Variants in ZNF438 observed in about 807,000 individuals in gnomAD.
ZNF438 encodes zinc finger protein 438.
Under a neutral mutation model 38.0 loss-of-function variants are expected in ZNF438, and 25 were observed. The ratio of observed to expected loss-of-function variants is 0.66; its 90% CI spans 0.48 to 0.92. The LOEUF (loss-of-function observed/expected upper bound fraction) is 0.92, where lower values mean the gene tolerates loss of function less well. Among genes scored for constraint, ZNF438 ranks in the 40% least tolerant of loss-of-function variants. The pLI, the probability that ZNF438 is intolerant of heterozygous loss-of-function variation, is 0.00. For synonymous variants in ZNF438, 372 were observed against 364.1 expected, an observed-to-expected ratio of 1.02 and a Z score of -0.25; for missense variants, 1,007 against 999.6, an observed-to-expected ratio of 1.01 and a Z score of -0.10.
chr10:30,951,301 G>A (rs1158490129), intron 1 of ZNF438, among the ~76,000 whole-genome samples: 2 of 149,304 alleles, frequency 1.3e-5, no homozygotes, highest in Non-Finnish European at 3.0e-5. Context: ...CATACTGAAT[G>A]GGCAAAAACT....
intron 3 of ZNF438, among the ~76,000 whole-genome samples, chr10:30,903,321 G>A (rs531407232): frequency 9.8e-5 from 15 of 152,324 alleles, no homozygotes; most frequent in Middle Eastern, 6.8e-3. Flanking sequence ...CACCGAGAGC[G>A]AGTGAGGGCT....
At chr10:31,019,271 C>T (rs1432562923) in intron 1 of ZNF438, among the ~76,000 whole-genome samples, 2 of 152,144 alleles carry the variant, frequency 1.3e-5, no homozygotes, top group Admixed American at 1.3e-4. Context: ...CACAATGTGC[C>T]CCTTCATTGC....
At chr10:30,844,957 G>C (rs758038005) in exon 6 of ZNF438, 14 of 1,611,808 alleles carry the variant, frequency 8.7e-6, no homozygotes, top group Non-Finnish European at 1.2e-5. Flanking sequence ...GCTGCCTTGG[G>C]GTCTCATTTC....
At chr10:30,952,427 T>C (rs2048324614) in intron 1 of ZNF438, among the ~76,000 whole-genome samples, 1 of 152,286 alleles carries the variant, frequency 6.6e-6, no homozygotes, top group South Asian at 2.1e-4. Flanking sequence ...AAAGAGCTTC[T>C]GAACAGCAAG....
chr10:30,948,721 G>A (rs2047765234), intron 1 of ZNF438, among the ~76,000 whole-genome samples: 1 of 151,504 alleles, frequency 6.6e-6, no homozygotes, highest in Non-Finnish European at 1.5e-5. Context: ...AAAGAAATGA[G>A]CAAAGCCTCC....
At chr10:30,951,433 C>G (rs1328341517) in intron 1 of ZNF438, among the ~76,000 whole-genome samples, 2 of 151,724 alleles carry the variant, frequency 1.3e-5, no homozygotes, top group Admixed American at 6.6e-5. Context: ...AAAGGGTATT[C>G]AATTAGGAAA....
At chr10:30,963,965 C>G (rs2049832157) in intron 1 of ZNF438, among the ~76,000 whole-genome samples, 1 of 152,012 alleles carries the variant, frequency 6.6e-6, no homozygotes, top group African/African-American at 2.4e-5. Flanking sequence ...GTATCTTATT[C>G]CTGTCTTCCT....
intron 1 of ZNF438, among the ~76,000 whole-genome samples, chr10:30,952,196 A>T (rs1012612353): frequency 2.0e-5 from 3 of 151,698 alleles, no homozygotes; most frequent in South Asian, 2.1e-4. Context: ...CTGGCTAGAC[A>T]TATGTAGAAA....
At chr10:30,870,035 T>C (rs945250428) in intron 4 of ZNF438, among the ~76,000 whole-genome samples, 1 of 152,236 alleles carries the variant, frequency 6.6e-6, no homozygotes, top group Non-Finnish European at 1.5e-5. Flanking sequence ...CTTCAAATAA[T>C]ATGTTACTTT....
chr10:30,878,161 T>C (rs1271006605), intron 3 of ZNF438, among the ~76,000 whole-genome samples: 9 of 152,236 alleles, frequency 5.9e-5, no homozygotes, highest in Non-Finnish European at 1.2e-4. Flanking sequence ...TGAGAACTTC[T>C]ATCCCTGTTT....
chr10:31,011,137 G>A (rs2055660001), intron 1 of ZNF438, among the ~76,000 whole-genome samples: 1 of 152,108 alleles, frequency 6.6e-6, no homozygotes, highest in East Asian at 1.9e-4. Context: ...AGGTGCCTGA[G>A]GATTAAGAAG....
chr10:30,863,462 A>C (rs987984773), intron 4 of ZNF438, among the ~76,000 whole-genome samples: 1 of 152,208 alleles, frequency 6.6e-6, no homozygotes, highest in Non-Finnish European at 1.5e-5. Context: ...CCAAGAGTGA[A>C]GGCGGCAGAG....
At chr10:30,932,899 G>T (rs2045852913) in intron 2 of ZNF438, among the ~76,000 whole-genome samples, 1 of 152,154 alleles carries the variant, frequency 6.6e-6, no homozygotes, top group South Asian at 2.1e-4. Flanking sequence ...AATCAGATTG[G>T]CATCATGCTA....
intron 3 of ZNF438, among the ~76,000 whole-genome samples, chr10:30,900,788 C>T (rs2041886500): frequency 6.6e-6 from 1 of 152,066 alleles, no homozygotes; most frequent in Non-Finnish European, 1.5e-5. Context: ...ATAGTTAATG[C>T]TCATCAATAA....
chr10:31,028,384 G>A (rs1341891538), intron 1 of ZNF438, among the ~76,000 whole-genome samples: 1 of 152,164 alleles, frequency 6.6e-6, no homozygotes, highest in Non-Finnish European at 1.5e-5. Context: ...CAAAAGGACA[G>A]TCAAATATCA....
intron 2 of ZNF438, among the ~76,000 whole-genome samples, chr10:30,922,497 C>T (rs1354685390): frequency 1.3e-5 from 2 of 152,162 alleles, no homozygotes; most frequent in Admixed American, 6.5e-5. Context: ...ACATTTATAG[C>T]TTCAAGGTTT....
intron 1 of ZNF438, among the ~76,000 whole-genome samples, chr10:30,964,095 G>A (rs1026748880): frequency 7.9e-5 from 12 of 152,132 alleles, no homozygotes; most frequent in African/African-American, 2.7e-4. Flanking sequence ...TACTTTAGGA[G>A]AAAATAAGGA....
intron 4 of ZNF438, among the ~76,000 whole-genome samples, chr10:30,866,671 A>C (rs1026313181): frequency 7.9e-5 from 12 of 152,090 alleles, no homozygotes; most frequent in Admixed American, 1.3e-4. Context: ...CTCCTCTACT[A>C]AAAATACAAA....
In ZNF438 at chr10:31,011,349, G is replaced by C. The variant is rs752363044; in HGVS notation, c.-192+20484C>G. On this transcript the variant is annotated intron_variant, in intron 1 of 5. Coordinates refer to ENST00000413025, the Ensembl canonical transcript of ZNF438. ...TGCACTCCTGACCCCCATTTCCCTCGGTTTCCCCTGGCTGACACACTGGGC... is the reference window on the plus strand; with the variant it reads ...TGCACTCCTGACCCCCATTTCCCTCCGTTTCCCCTGGCTGACACACTGGGC... 8.5e-4 allele frequency among the ~76,000 whole-genome samples: 130 copies of C among 152,292 alleles called. 2 individuals are homozygous for C. Among genetic ancestry groups the C allele is most frequent in the Non-Finnish European group, 2.6e-4 (18 of 68,030 alleles).
Sources: allele counts gnomAD v4.1 joint callset (sites outside exome capture counted in the v4.1 genomes callset), GRCh38; gene constraint gnomAD v4.1.1; transcripts MANE v1.5; gene names NCBI Gene and HGNC (gene_info 2026-07-23, HGNC 2026-07-21).